TMED3: variants seen among roughly 807,000 people sequenced by gnomAD.
The protein encoded by TMED3 is transmembrane emp24 domain-containing protein 3.
A neutral mutation model predicts 15.0 loss-of-function variants in TMED3; 9 were observed. The observed-to-expected ratio is 0.60, with a 90% CI of 0.36 to 1.04. The LOEUF (loss-of-function observed/expected upper bound fraction) is 1.04, where lower values mean the gene tolerates loss of function less well. TMED3 is among the 50% of genes least tolerant of loss of function. TMED3 has a pLI of 0.01. For missense variants in TMED3, 267 were observed against 278.9 expected (o/e 0.96, Z 0.30); for synonymous variants, 117 against 121.4 (o/e 0.96, Z 0.24).
chr15:79,346,136 G>T (rs1178943446), intron 2 of TMED3, among the ~76,000 whole-genome samples: 1 of 152,156 alleles, frequency 6.6e-6, no homozygotes, highest in African/African-American at 2.4e-5. Flanking sequence ...CCTCTGCTGT[G>T]CAGAAGCTCT....
intron 2 of TMED3, among the ~76,000 whole-genome samples, chr15:79,319,988 GGGCCTGACTGAT>G (rs1291243475): frequency 1.3e-5 from 2 of 152,194 alleles, no homozygotes; most frequent in African/African-American, 4.8e-5. Context: ...AACTGCGGGT[GGGCCTGACTGAT>G]GTCAGGCCCT....
intron 2 of TMED3, among the ~76,000 whole-genome samples, chr15:79,362,472 G>A (rs62025980): frequency 0.11 from 17,001 of 151,706 alleles, 1,343 homozygotes; most frequent in East Asian, 0.41. Flanking sequence ...GTGACAGAGT[G>A]GGACTCTGTC....
chr15:79,384,585 C>T lies in TMED3; in HGVS notation c.418-26815C>T, dbSNP rs370422991. ...TGGTGGGACAAAGAGAAATCAAACTCAAAAAGTTCCCCTCTTGTCTACCAT... is the reference window on the plus strand; with the variant it reads ...TGGTGGGACAAAGAGAAATCAAACTTAAAAAGTTCCCCTCTTGTCTACCAT... On this transcript the variant is annotated intron_variant, in intron 2 of 2. Transcript: ENST00000424155. 6 of 152,132 alleles carry T rather than the reference C, an allele frequency of 3.9e-5. No homozygotes were observed. The East Asian group carries it at 7.8e-4, about 20-fold the overall frequency. The allele number at this position is 152,132 out of a possible 1,614,324, so 9.4% of individuals were successfully genotyped here.
exon 3 of TMED3, chr15:79,413,030 A>C (rs924587407): frequency 2.0e-5 from 3 of 152,124 alleles, no homozygotes; most frequent in African/African-American, 4.8e-5. Context: ...GCAAACCCTC[A>C]AGGTCATCAA....
At chr15:79,342,007 A>G (rs111863132) in intron 2 of TMED3, among the ~76,000 whole-genome samples, 2 of 152,356 alleles carry the variant, frequency 1.3e-5, no homozygotes, top group African/African-American at 2.4e-5. Context: ...GACAAAATAA[A>G]AATGACACAT....
At chr15:79,347,672 A>T (rs778842958) in intron 2 of TMED3, among the ~76,000 whole-genome samples, 3 of 152,200 alleles carry the variant, frequency 2.0e-5, no homozygotes, top group Non-Finnish European at 4.4e-5. Flanking sequence ...CTAATAAAGA[A>T]CTTCAGCGTA....
intron 2 of TMED3, among the ~76,000 whole-genome samples, chr15:79,358,754 T>C (rs967354324): frequency 1.3e-5 from 2 of 152,188 alleles, no homozygotes; most frequent in Non-Finnish European, 2.9e-5. Flanking sequence ...CGAAATTTCA[T>C]AGAAAGCAGG....
intron 2 of TMED3, among the ~76,000 whole-genome samples, chr15:79,368,111 A>G (rs751602396): frequency 1.3e-5 from 2 of 152,182 alleles, no homozygotes; most frequent in African/African-American, 2.4e-5. Flanking sequence ...TTTAGTTTCT[A>G]TAGGAGAACC....
intron 2 of TMED3, among the ~76,000 whole-genome samples, chr15:79,406,007 T>C (rs966321668): frequency 1.3e-5 from 2 of 152,126 alleles, no homozygotes; most frequent in Non-Finnish European, 2.9e-5. Flanking sequence ...AAAGATACTA[T>C]ATCTGGCATA....
At chr15:79,357,346 A>G (rs2058923279) in intron 2 of TMED3, among the ~76,000 whole-genome samples, 2 of 151,038 alleles carry the variant, frequency 1.3e-5, no homozygotes, top group Non-Finnish European at 2.9e-5. Context: ...ATTGCCAAGC[A>G]TGGCAGTGCA....
At chr15:79,400,031 G>A (rs974111718) in intron 2 of TMED3, among the ~76,000 whole-genome samples, 1 of 152,140 alleles carries the variant, frequency 6.6e-6, no homozygotes, top group Non-Finnish European at 1.5e-5. Flanking sequence ...CTATTGTACC[G>A]GGGATAAAGT....
chr15:79,377,683 T>G (rs1366248973), intron 2 of TMED3, among the ~76,000 whole-genome samples: 1 of 149,782 alleles, frequency 6.7e-6, no homozygotes, highest in Non-Finnish European at 1.5e-5. Flanking sequence ...AGTCTCGCTC[T>G]TTCGCCCAGG....
At chr15:79,353,729 A>T (rs1386696970) in intron 2 of TMED3, among the ~76,000 whole-genome samples, 1 of 151,782 alleles carries the variant, frequency 6.6e-6, no homozygotes, top group Admixed American at 6.6e-5. Context: ...GTATTTTTCC[A>T]CTGTTTTAAA....
chr15:79,327,516 G>A (rs145133640), downstream of TMED3, among the ~76,000 whole-genome samples: 2 of 152,338 alleles, frequency 1.3e-5, no homozygotes, highest in African/African-American at 2.4e-5. Context: ...TCTTTTAAAT[G>A]TACAAATGTT....
intron 2 of TMED3, among the ~76,000 whole-genome samples, chr15:79,333,331 G>A (rs555324671): frequency 2.6e-4 from 40 of 152,172 alleles, no homozygotes; most frequent in Non-Finnish European, 3.8e-4. Context: ...CAGCTCTGGT[G>A]GCAGTGACAG....
chr15:79,399,359 C>T (rs11638050), intron 2 of TMED3, among the ~76,000 whole-genome samples: 46,381 of 152,096 alleles, frequency 0.3, 8,597 homozygotes, highest in Middle Eastern at 0.5. Context: ...TGAAGGGTTT[C>T]CCAAACTGCA....
At chr15:79,411,409 G>A (rs953901946) in exon 3 of TMED3, 2 of 702,552 alleles carry the variant, frequency 2.8e-6, no homozygotes, top group Non-Finnish European at 5.2e-6. Context: ...GAGATTCAGA[G>A]GAGCTTATTG....
chr15:79,356,444 T>A (rs1346797050), intron 2 of TMED3, among the ~76,000 whole-genome samples: 1 of 152,236 alleles, frequency 6.6e-6, no homozygotes, highest in Non-Finnish European at 1.5e-5. Flanking sequence ...CTTTGGCACC[T>A]ACCACATGCT....
At chr15:79,320,390 A>G (rs148626035) in intron 2 of TMED3, among the ~76,000 whole-genome samples, 31 of 152,254 alleles carry the variant, frequency 2.0e-4, no homozygotes, top group African/African-American at 7.5e-4. Context: ...AATCCTATCT[A>G]TGATCTATAT....
Sources: gnomAD v4.1 joint callset for allele counts (sites outside exome capture counted in the v4.1 genomes callset) on GRCh38, gnomAD v4.1.1 for gene constraint, MANE v1.5 for transcripts, NCBI Gene and HGNC (gene_info 2026-07-23, HGNC 2026-07-21) for gene names.